Variants in NUP58 observed in about 807,000 individuals in gnomAD.
NUP58 encodes the protein nucleoporin 58.
NUP58 carries 17 observed loss-of-function variants against 70.1 expected under a neutral mutation model. The ratio of observed to expected loss-of-function variants is 0.24; its 90% CI spans 0.17 to 0.36. The LOEUF (loss-of-function observed/expected upper bound fraction) is 0.36. Ranked by LOEUF, NUP58 falls within the 10% of genes least tolerant of loss-of-function variation. NUP58 has a pLI of 1.00. For missense variants in NUP58, 644 were observed against 701.5 expected, an observed-to-expected ratio of 0.92 and a Z score of 0.93; for synonymous variants, 275 against 257.6, an observed-to-expected ratio of 1.07 and a Z score of -0.65.
chr13:25,339,522 C>T (rs1158877288), intron 15 of NUP58, among the ~76,000 whole-genome samples: 2 of 152,118 alleles, frequency 1.3e-5, no homozygotes, highest in African/African-American at 2.4e-5. Context: ...AAGTACTGCT[C>T]TTTTGTTTGT....
rs2030031339 is a variant in NUP58, at chr13:25,301,959, C to T, written c.107+79C>T. ...GCAAAGCTCCCTTGGTGTCCCCATC[C>T]TGTCTCTTCCCTCTGGCTTCCTTCC... is the stretch of plus-strand genomic sequence containing the variant. On this transcript the variant is annotated intron_variant, in intron 1 of 15. Transcript: ENST00000381736. The T allele has an allele frequency of 4.4e-6, 4 of 906,566 alleles. No homozygotes were observed. The South Asian group carries it at 6.2e-5, about 14-fold the overall frequency. 56.2% of individuals were successfully genotyped at this position (906,566 alleles called of 1,614,324 possible). A position where few individuals can be genotyped will look rare whatever the true frequency, so the allele number is the denominator to read the frequency against.
At chr13:25,335,884 C>T (rs905555277) in intron 13 of NUP58, 2 of 1,078,464 alleles carry the variant, frequency 1.9e-6, no homozygotes, top group Admixed American at 5.5e-5. Flanking sequence ...AAAGACAATA[C>T]TGAAGATTGT....
chr13:25,302,845 C>G, intron 1 of NUP58: 1 of 398,868 alleles, frequency 2.5e-6, no homozygotes, highest in Non-Finnish European at 4.9e-6. Context: ...TTCATCCATA[C>G]CTCCGTTATT....
intron 14 of NUP58, 57 bp downstream of exon 14, chr13:25,337,091 A>G: frequency 3.4e-6 from 4 of 1,179,098 alleles, no homozygotes; most frequent in Non-Finnish European, 4.7e-6. Flanking sequence ...AATTGATACT[A>G]GCCTGTAAAA....
At chr13:25,349,380 G>A (rs2032082586) in intron 3 of NUP58, among the ~76,000 whole-genome samples, 1 of 152,184 alleles carries the variant, frequency 6.6e-6, no homozygotes, top group African/African-American at 2.4e-5. Flanking sequence ...AGTTAGGCAA[G>A]TTATTTAACA....
chr13:25,343,440 A>G (rs1167803787), downstream of NUP58, among the ~76,000 whole-genome samples: 2 of 150,938 alleles, frequency 1.3e-5, no homozygotes, highest in Admixed American at 1.3e-4. Context: ...AATCCCATCC[A>G]GGCTGCAAAT....
intron 13 of NUP58, chr13:25,332,622 A>G: frequency 1.0e-6 from 1 of 985,448 alleles, no homozygotes; most frequent in African/African-American, 1.7e-5. Context: ...GCAGTTTAAA[A>G]AATTGTTCTT....
chr13:25,314,565 C>T (rs1312049750), intron 5 of NUP58, among the ~76,000 whole-genome samples: 2 of 152,092 alleles, frequency 1.3e-5, no homozygotes, highest in African/African-American at 2.4e-5. Flanking sequence ...CATGGTGATG[C>T]ATGCCTGTAA....
At chr13:25,334,267 G>A in intron 13 of NUP58, 8 of 985,324 alleles carry the variant, frequency 8.1e-6, no homozygotes, top group Non-Finnish European at 9.6e-6. Context: ...AGGCTTTTCA[G>A]TATAATTTTA....
At chr13:25,320,707 G>C in intron 8 of NUP58, 112 bp downstream of exon 8, 2 of 801,526 alleles carry the variant, frequency 2.5e-6, no homozygotes, top group Non-Finnish European at 2.0e-6. Flanking sequence ...CTCTTAACTA[G>C]GGTTAAAATG....
At chr13:25,344,329 T>C (rs1377690635), downstream of NUP58, among the ~76,000 whole-genome samples, 2 of 152,210 alleles carry the variant, frequency 1.3e-5, no homozygotes, top group Non-Finnish European at 2.9e-5. Flanking sequence ...AGACTTCAGC[T>C]TTATCCTCTA....
Position 25,336,426 on chromosome 13 carries a change from A to G in NUP58, c.1436-510A>G, listed in dbSNP as rs1322991318. On this transcript the variant is annotated intron_variant, in intron 13 of 15. Coordinates refer to ENST00000381736, the MANE Select transcript of NUP58 (RefSeq NM_014089.4). ...ATCATGCCTAGTTTTTTGGGTACTT[A>G]CTCTTATGAAATAACATGATAGTTT... 10 of 514,112 alleles carry G rather than the reference A, an allele frequency of 1.9e-5. No individual in the cohort carries two copies. The Admixed American group carries it at 3.9e-4, about 20-fold the overall frequency. 31.8% of individuals were successfully genotyped at this position (514,112 alleles called of 1,614,324 possible).
chr13:25,343,305 A>T (rs1392501737), downstream of NUP58, among the ~76,000 whole-genome samples: 1 of 151,014 alleles, frequency 6.6e-6, no homozygotes, highest in Non-Finnish European at 1.5e-5. Context: ...CTCTTTTTTT[A>T]AATTTTTATT....
chr13:25,336,900 T>C (rs1312741071), intron 13 of NUP58, 36 bp from the exon 14 acceptor site: 3 of 1,426,702 alleles, frequency 2.1e-6, no homozygotes, highest in African/African-American at 2.9e-5. Context: ...AAATTTGTTT[T>C]TTTTCCCCCC....
At chr13:25,333,767 T>G (rs1463291335) in intron 13 of NUP58, 5 of 985,410 alleles carry the variant, frequency 5.1e-6, no homozygotes, top group Non-Finnish European at 6.0e-6. Context: ...CTGTGACTTC[T>G]GTGAAATCTT....
At chr13:25,327,300 T>G in intron 11 of NUP58, 130 bp from the exon 12 acceptor site, 2 of 595,460 alleles carry the variant, frequency 3.4e-6, no homozygotes, top group Non-Finnish European at 5.9e-6. Context: ...TCTCTGGCCA[T>G]GAGAACGTTG....
chr13:25,337,084 T>C, intron 14 of NUP58, 50 bp downstream of exon 14: 1 of 1,330,004 alleles, frequency 7.5e-7, no homozygotes, highest in Non-Finnish European at 1.0e-6. Context: ...ATATTTGAAT[T>C]GATACTAGCC....
chr13:25,313,143 A>G (rs1351358771), intron 4 of NUP58, 111 bp downstream of exon 4: 2 of 1,304,688 alleles, frequency 1.5e-6, no homozygotes, highest in African/African-American at 3.0e-5. Context: ...TAAAGAAGAA[A>G]ATTCAGCTTT....
chr13:25,344,179 A>T (rs577469364), downstream of NUP58, among the ~76,000 whole-genome samples: 2 of 152,036 alleles, frequency 1.3e-5, no homozygotes, highest in African/African-American at 4.8e-5. Flanking sequence ...TTTTATACCA[A>T]ATTAGGGTTT....
Sources: allele counts gnomAD v4.1 joint callset (sites outside exome capture counted in the v4.1 genomes callset), GRCh38; gene constraint gnomAD v4.1.1; transcripts MANE v1.5; gene names NCBI Gene and HGNC (gene_info 2026-07-23, HGNC 2026-07-21).